Variants in L3MBTL4 observed in about 807,000 individuals in gnomAD.
L3MBTL4 encodes the protein lethal(3)malignant brain tumor-like protein 4.
Under a neutral mutation model 84.5 loss-of-function variants are expected in L3MBTL4, and 70 were observed. The observed-to-expected ratio is 0.83, with a 90% CI of 0.68 to 1.01. The LOEUF (loss-of-function observed/expected upper bound fraction) is 1.01. L3MBTL4 is among the 50% of genes least tolerant of loss of function. L3MBTL4 has a pLI of 0.00. For synonymous variants in L3MBTL4, 274 were observed against 259.8 expected, an observed-to-expected ratio of 1.05 and a Z score of -0.52; for missense variants, 715 against 754.8, an observed-to-expected ratio of 0.95 and a Z score of 0.62.
intron 10 of L3MBTL4, among the ~76,000 whole-genome samples, chr18:6,220,020 C>T (rs944081927): frequency 6.6e-5 from 10 of 152,000 alleles, no homozygotes; most frequent in East Asian, 1.9e-4. Flanking sequence ...AGGAACATAA[C>T]GAGACCTCAC....
chr18:6,099,209 G>T (rs1226077403), intron 14 of L3MBTL4, among the ~76,000 whole-genome samples: 1 of 152,076 alleles, frequency 6.6e-6, no homozygotes, highest in East Asian at 1.9e-4. Context: ...CCCCATTTCA[G>T]AACTGTATTG....
Position 6,063,640 on chromosome 18 carries a change from G to GTT in L3MBTL4, c.1444+17239_1444+17240dup, listed in dbSNP as rs991152544. 3.9e-4 allele frequency among the ~76,000 whole-genome samples: 59 copies of GTT among 149,490 alleles called. 2 individuals are homozygous for GTT. The highest frequency in any genetic ancestry group is 1.5e-3 in the African/African-American group (59 of 40,224). On this transcript the variant is annotated intron_variant, in intron 16 of 18. Coordinates refer to ENST00000317931, the MANE Select transcript of L3MBTL4 (RefSeq NM_001330559.2). Reference sequence around the variant, plus strand: ...GCATTTTTTCATATGTCTGTTGGCAGTTTGTATGTCTTCTTTTGAGAAATG... The same window carrying GTT: ...GCATTTTTTCATATGTCTGTTGGCAGTTTTTGTATGTCTTCTTTTGAGAAATG...
chr18:6,272,284 G>C (rs901163900), intron 4 of L3MBTL4, among the ~76,000 whole-genome samples: 1 of 152,218 alleles, frequency 6.6e-6, no homozygotes, highest in East Asian at 1.9e-4. Context: ...GTTTTAGGCT[G>C]CTAGGGAAGA....
chr18:6,193,135 T>C (rs993151167), intron 12 of L3MBTL4, among the ~76,000 whole-genome samples: 3 of 151,858 alleles, frequency 2.0e-5, no homozygotes, highest in African/African-American at 7.3e-5. Flanking sequence ...CAGGGGTCAG[T>C]GGCTGAAGTC....
intron 16 of L3MBTL4, among the ~76,000 whole-genome samples, chr18:6,003,052 A>T (rs1182168695): frequency 5.2e-5 from 6 of 115,302 alleles, no homozygotes; most frequent in Non-Finnish European, 7.0e-5. Flanking sequence ...TACTATATAA[A>T]ATATAGTATC....
chr18:6,029,639 GCAATTA>G (rs2055683587), intron 16 of L3MBTL4: 1 of 985,158 alleles, frequency 1.0e-6, no homozygotes. Flanking sequence ...AACTTAAAAT[GCAATTA>G]CAGGACAGGA....
chr18:6,284,593 A>C (rs1245967305), intron 4 of L3MBTL4, among the ~76,000 whole-genome samples: 1 of 152,230 alleles, frequency 6.6e-6, no homozygotes, highest in Non-Finnish European at 1.5e-5. Context: ...CTGCGCACGC[A>C]GGCTGTTCCC....
intron 12 of L3MBTL4, among the ~76,000 whole-genome samples, chr18:6,209,846 G>A (rs2046031162): frequency 6.6e-6 from 1 of 152,176 alleles, no homozygotes; most frequent in African/African-American, 2.4e-5. Context: ...CTACAGTATG[G>A]ATGAACCTTG....
intron 1 of L3MBTL4, among the ~76,000 whole-genome samples, chr18:6,318,827 A>G (rs1024714483): frequency 1.3e-5 from 2 of 152,160 alleles, no homozygotes; most frequent in African/African-American, 4.8e-5. Context: ...TGCAGAATAT[A>G]CATTCTTCTC....
intron 4 of L3MBTL4, among the ~76,000 whole-genome samples, chr18:6,267,846 A>G (rs2048701613): frequency 6.6e-6 from 1 of 152,202 alleles, no homozygotes; most frequent in Non-Finnish European, 1.5e-5. Flanking sequence ...ACTCAGTAAC[A>G]TCATGCCTGC....
chr18:6,317,424 C>T (rs1454938388), intron 1 of L3MBTL4, among the ~76,000 whole-genome samples: 1 of 151,970 alleles, frequency 6.6e-6, no homozygotes. Context: ...ATCAGAACAT[C>T]TGGAAATGAA....
intron 1 of L3MBTL4, among the ~76,000 whole-genome samples, chr18:6,388,018 T>C (rs879652891): frequency 1.3e-5 from 2 of 152,092 alleles, no homozygotes; most frequent in Admixed American, 1.3e-4. Context: ...AAAAAGGTGC[T>C]CAGAGTCACC....
chr18:6,173,789 G>T (rs2044092709), intron 12 of L3MBTL4, among the ~76,000 whole-genome samples: 1 of 151,978 alleles, frequency 6.6e-6, no homozygotes, highest in African/African-American at 2.4e-5. Context: ...CAATAAAGTG[G>T]GGGACCAAAA....
intron 13 of L3MBTL4, among the ~76,000 whole-genome samples, chr18:6,164,014 C>G (rs767632340): frequency 6.6e-6 from 1 of 152,220 alleles, no homozygotes; most frequent in Non-Finnish European, 1.5e-5. Context: ...GCTTAACAAA[C>G]GGCACACCAG....
chr18:6,385,467 C>G (rs933498048), intron 1 of L3MBTL4, among the ~76,000 whole-genome samples: 1 of 151,856 alleles, frequency 6.6e-6, no homozygotes, highest in Non-Finnish European at 1.5e-5. Context: ...TAAAGATTCC[C>G]AACAGTCACT....
Position 6,215,853 on chromosome 18 carries a change from T to A in L3MBTL4, c.785-18A>T. Reference sequence around the variant, plus strand: ...GGGATAACCTGAAAATATATATATATAAATAGCAAAAGATTACTCATAGAT... The same window carrying A: ...GGGATAACCTGAAAATATATATATAAAAATAGCAAAAGATTACTCATAGAT... On this transcript the variant is annotated intron_variant, in intron 10 of 18. Coordinates refer to ENST00000317931, the MANE Select transcript of L3MBTL4 (RefSeq NM_001330559.2). The A allele has an allele frequency of 7.4e-7, 1 of 1,350,192 alleles. No homozygotes were observed. Among genetic ancestry groups the A allele is most frequent in the South Asian group, 1.3e-5 (1 of 77,866 alleles). 83.6% of individuals were successfully genotyped at this position (1,350,192 alleles called of 1,614,324 possible).
At chr18:6,227,196 A>G (rs564090414) in intron 10 of L3MBTL4, among the ~76,000 whole-genome samples, 10 of 152,358 alleles carry the variant, frequency 6.6e-5, no homozygotes, top group Admixed American at 1.3e-4. Flanking sequence ...ACACTTACAG[A>G]TGACTTAATC....
chr18:6,167,317 A>C (rs1408499292), intron 13 of L3MBTL4, among the ~76,000 whole-genome samples: 3 of 152,228 alleles, frequency 2.0e-5, no homozygotes, highest in Non-Finnish European at 4.4e-5. Context: ...ATCCTCCCTA[A>C]CTCATTTTAT....
At chr18:6,182,353 G>T (rs1424760934) in intron 12 of L3MBTL4, among the ~76,000 whole-genome samples, 3 of 151,984 alleles carry the variant, frequency 2.0e-5, no homozygotes, top group Non-Finnish European at 4.4e-5. Flanking sequence ...GTCATTTGTT[G>T]CCTACTTGTT....
Sources: gnomAD v4.1 joint callset for allele counts (sites outside exome capture counted in the v4.1 genomes callset) on GRCh38, gnomAD v4.1.1 for gene constraint, MANE v1.5 for transcripts, NCBI Gene and HGNC (gene_info 2026-07-23, HGNC 2026-07-21) for gene names.